Variants in DNAH10 observed in about 807,000 individuals in gnomAD.
The protein encoded by DNAH10 is dynein axonemal heavy chain 10.
A neutral mutation model predicts 506.6 loss-of-function variants in DNAH10; 348 were observed. The observed-to-expected ratio is 0.69, with a 90% CI of 0.63 to 0.75. DNAH10 has a LOEUF of 0.75. Among genes scored for constraint, DNAH10 ranks in the 30% least tolerant of loss-of-function variants. DNAH10 has a pLI of 0.00. For synonymous variants in DNAH10, 2,059 were observed against 2,198.6 expected (o/e 0.94, Z 1.78); for missense variants, 5,179 against 5,787.1 (o/e 0.89, Z 3.41).
At chr12:123,816,057 T>C (rs1959133316) in intron 21 of DNAH10, among the ~76,000 whole-genome samples, 1 of 152,254 alleles carries the variant, frequency 6.6e-6, no homozygotes, top group Non-Finnish European at 1.5e-5. Context: ...TCATTGTCCC[T>C]GGTTCCTGAC....
intron 39 of DNAH10, 80 bp from the exon 40 acceptor site, chr12:123,864,515 C>G (rs569226812): frequency 6.6e-7 from 1 of 1,515,674 alleles, no homozygotes; most frequent in South Asian, 1.3e-5. Flanking sequence ...AGACATTCAA[C>G]ATGAATGGGC....
intron 43 of DNAH10, among the ~76,000 whole-genome samples, chr12:123,870,098 C>T (rs1226461697): frequency 6.6e-6 from 1 of 152,184 alleles, no homozygotes; most frequent in Non-Finnish European, 1.5e-5. Flanking sequence ...GTTGAAAATA[C>T]TCAGAAAGTG....
intron 23 of DNAH10, 54 bp downstream of exon 23, chr12:123,819,304 T>A: frequency 7.3e-7 from 1 of 1,376,240 alleles, no homozygotes; most frequent in Non-Finnish European, 1.0e-6. Context: ...AATGTTTGAG[T>A]ATGTTTTGCT....
intron 30 of DNAH10, 133 bp downstream of exon 30, chr12:123,841,678 C>T: frequency 4.1e-6 from 3 of 740,074 alleles, no homozygotes; most frequent in Non-Finnish European, 6.5e-6. Context: ...CATTAGTGGA[C>T]AGATAGATGT....
At chr12:123,768,735 G>A (rs1012442175) in intron 2 of DNAH10, among the ~76,000 whole-genome samples, 15 of 152,196 alleles carry the variant, frequency 9.9e-5, no homozygotes, top group South Asian at 4.1e-4. Flanking sequence ...TCAAGGCACA[G>A]AACTTTTCAT....
Position 123,853,541 on chromosome 12 carries a change from G to C in DNAH10, c.6438+189G>C, listed in dbSNP as rs1327072923. 6.6e-6 allele frequency among the ~76,000 whole-genome samples: 1 copy of C among 152,080 alleles called. No individual in the cohort carries two copies. Among genetic ancestry groups the C allele is most frequent in the Non-Finnish European group, 1.5e-5 (1 of 68,032 alleles). The stretch of plus-strand genomic sequence containing the variant: ...TATCGTTTGCTTGTAATTACACTTA[G>C]TACCTTAAGGTCAAGTGCAATGTCT... On this transcript the variant is annotated intron_variant, in intron 36 of 78. Transcript: ENST00000673944. The surrounding 1 kb of genome is among the most constrained non-coding windows in gnomAD (Gnocchi z 4.7).
At chr12:123,839,053 A>G (rs867147662) in intron 29 of DNAH10, among the ~76,000 whole-genome samples, 7 of 152,104 alleles carry the variant, frequency 4.6e-5, no homozygotes, top group Admixed American at 1.3e-4. Context: ...AGCTCAAGCA[A>G]TGCTCCCACC....
In DNAH10 at chr12:123,900,395, G is replaced by A. The variant is rs531919513; in HGVS notation, c.9640+1581G>A. On this transcript the variant is annotated intron_variant, in intron 56 of 78. Transcript: ENST00000673944. Reference sequence around the variant, plus strand: ...GCAGCCACCGTGGTAGGGAGAGTGGGGGCTAGAAACCGAATGAGACTCAAC... The same window carrying A: ...GCAGCCACCGTGGTAGGGAGAGTGGAGGCTAGAAACCGAATGAGACTCAAC... Among the ~76,000 whole-genome samples, 119 of 152,154 alleles carry A rather than the reference G, an allele frequency of 7.8e-4. 2 individuals are homozygous for A. Among genetic ancestry groups the A allele is most frequent in the Non-Finnish European group, 1.5e-3 (103 of 68,024 alleles).
rs33935373 is a variant in DNAH10, at chr12:123,853,225, C to T, written c.6311C>T (p.Thr2104Met). Residue 2104 changes from threonine (T) to methionine (M), a missense_variant, in exon 36 of 79, where the codon ACG (threonine) becomes ATG (methionine). Around this residue, in one of 3 missense-constraint regions of DNAH10, gnomAD observed 4,844 missense variants for 5,430.5 expected, o/e 0.89. Coordinates refer to ENST00000673944, the MANE Select transcript of DNAH10 (RefSeq NM_001372106.1). This position sits in a 1 kb window ranked among gnomAD's most constrained non-coding sequence, Gnocchi z 4.7. ...AAAAAGACTCTGGCGAAAAAGATGA[C>T]GGTTCTGTATAAGCTGGCCCGGGAG... Reference protein sequence around the residue: ...LEAKTLAKKMTVLYKLAREQL... With the variant: ...LEAKTLAKKMMVLYKLAREQL... The T allele has an allele frequency of 0.036, 57,645 of 1,603,722 alleles. 1,220 individuals are homozygous for T. Among genetic ancestry groups the T allele is most frequent in the Non-Finnish European group, 0.042 (48,812 of 1,174,812 alleles).
intron 2 of DNAH10, among the ~76,000 whole-genome samples, chr12:123,768,230 G>T (rs958535517): frequency 1.3e-5 from 2 of 152,000 alleles, no homozygotes; most frequent in Non-Finnish European, 2.9e-5. Flanking sequence ...CGCCTCCCAG[G>T]TTCAAGTGAT....
chr12:123,807,937 G>GGTGA (rs1958760597), intron 18 of DNAH10, among the ~76,000 whole-genome samples: 1 of 1,824 alleles, frequency 5.5e-4, no homozygotes, highest in African/African-American at 1.8e-3. Flanking sequence ...GGAGGGAAAA[G>GGTGA]GAGAAGGAGG....
chr12:123,768,070 G>A (rs759199680), intron 2 of DNAH10, among the ~76,000 whole-genome samples: 5 of 151,916 alleles, frequency 3.3e-5, no homozygotes, highest in Non-Finnish European at 5.9e-5. Flanking sequence ...TACATCCATC[G>A]TCACATGGCC....
At chr12:123,832,148 C>T (rs1024145331) in intron 26 of DNAH10, among the ~76,000 whole-genome samples, 1 of 152,070 alleles carries the variant, frequency 6.6e-6, no homozygotes, top group Non-Finnish European at 1.5e-5. Context: ...CACACATGTA[C>T]ATATGCACAT....
Position 123,848,087 on chromosome 12 carries a change from G to T in DNAH10, c.5941G>T (p.Asp1981Tyr). Residue 1981 changes from aspartate (D) to tyrosine (Y), a missense_variant, in exon 33 of 79, where the codon GAT becomes TAT. Around this residue, in one of 3 missense-constraint regions of DNAH10, gnomAD observed 4,844 missense variants for 5,430.5 expected, o/e 0.89. Coordinates refer to ENST00000673944, the MANE Select transcript of DNAH10 (RefSeq NM_001372106.1). Reference protein sequence around the residue: ...CVVTNCGEGMDYRAVGKIFSG... With the variant: ...CVVTNCGEGMYYRAVGKIFSG... ...TGTCACCAACTGTGGCGAAGGCATG[G>T]ATTACAGGGTAAGGCCTGGCTGTCA... 6.2e-7 allele frequency: 1 copy of T among 1,613,516 alleles called. No individual in the cohort carries two copies. Among genetic ancestry groups the T allele is most frequent in the Non-Finnish European group, 8.5e-7 (1 of 1,179,576 alleles).
intron 16 of DNAH10, among the ~76,000 whole-genome samples, chr12:123,803,396 T>G (rs370036496): frequency 5.3e-5 from 8 of 152,174 alleles, no homozygotes; most frequent in African/African-American, 1.7e-4. Context: ...TGATAGTCCC[T>G]TTCTCCCCAT....
Position 123,929,734 on chromosome 12 carries a change from G to C in DNAH10, c.12587G>C (p.Gly4196Ala). Residue 4196 changes from glycine to alanine, a missense_variant, in exon 72 of 79, where the codon GGC becomes GCC. Physicochemically the swap from Gly to Ala is moderately conservative, Grantham distance 60. Coordinates refer to ENST00000673944, the MANE Select transcript of DNAH10 (RefSeq NM_001372106.1). ...CAACGGGACCCAAGGATCCCGTGGG[G>C]CAGCCTCAAGTACCTAATTGGAGAG... ...FQQRDPRIPW[G>A]SLKYLIGEVM... 2 of 1,613,056 alleles carry C rather than the reference G, an allele frequency of 1.2e-6. No individual in the cohort carries two copies. The highest frequency in any genetic ancestry group is 3.3e-4 in the Middle Eastern group (2 of 6,016).
At position 123,864,631 on chromosome 12, in the gene DNAH10, G is replaced by C. The variant is rs764706391; in HGVS notation, c.6945G>C (p.Trp2315Cys). ...TTGATGGTGATGTGGATGCTCTATG[G>C]GTGGAAAACATGAATTCTGTGATGG... ...ILFDGDVDALWVENMNSVMDD... is the reference protein window; with the variant it reads ...ILFDGDVDALCVENMNSVMDD... Residue 2315 changes from tryptophan (W) to cysteine (C), a missense_variant, in exon 40 of 79, where the codon TGG becomes TGC. By Grantham distance (215) the Trp-to-Cys change is radical (BLOSUM62 -2). Around this residue, in one of 3 missense-constraint regions of DNAH10, gnomAD observed 4,844 missense variants for 5,430.5 expected, o/e 0.89. Coordinates refer to ENST00000673944, the MANE Select transcript of DNAH10 (RefSeq NM_001372106.1). 1.2e-6 allele frequency: 2 copies of C among 1,613,928 alleles called. No homozygotes were observed. Among genetic ancestry groups the C allele is most frequent in the Admixed American group, 3.3e-5 (2 of 60,012 alleles).
chr12:123,765,585 T>TATCTATCTATCTATCTATCTATCTA lies in DNAH10; in HGVS notation c.215-2007_215-2006insCTATCTATCTAATCTATCTATCTAT, dbSNP rs1555302053. Among the ~76,000 whole-genome samples the TATCTATCTATCTATCTATCTATCTA allele has an allele frequency of 2.0e-4, 30 of 152,114 alleles. 1 individual carries two copies. Among genetic ancestry groups the TATCTATCTATCTATCTATCTATCTA allele is most frequent in the African/African-American group, 7.0e-4 (29 of 41,462 alleles). On this transcript the variant is annotated intron_variant, in intron 1 of 78. Coordinates refer to ENST00000673944, the MANE Select transcript of DNAH10 (RefSeq NM_001372106.1). ...TACTTTATCTATCTATCTATCTATCTATCTATCTATCTATACATACCTCTA... is the reference window on the plus strand; with the variant it reads ...TACTTTATCTATCTATCTATCTATCTATCTATCTATCTATCTATCTATCTAATCTATCTATCTATACATACCTCTA...
At chr12:123,886,282 G>T (rs1197528723) in intron 51 of DNAH10, among the ~76,000 whole-genome samples, 1 of 152,154 alleles carries the variant, frequency 6.6e-6, no homozygotes, top group Non-Finnish European at 1.5e-5. Flanking sequence ...GGACACACAG[G>T]GCTGTGTCTG....
Sources: gnomAD v4.1 joint callset for allele counts (sites outside exome capture counted in the v4.1 genomes callset) on GRCh38, gnomAD v4.1.1 for gene constraint, gnomAD v4.1.1 regional missense constraint, Gnocchi (gnomAD v3.1) non-coding constraint, MANE v1.5 for transcripts, NCBI Gene and HGNC (gene_info 2026-07-23, HGNC 2026-07-21) for gene names.